CDC42BPG: variants seen among roughly 807,000 people sequenced by gnomAD.
CDC42BPG encodes CDC42 binding protein kinase gamma, also known as serine/threonine-protein kinase MRCK gamma.
Under a neutral mutation model 192.2 loss-of-function variants are expected in CDC42BPG, and 157 were observed. That is an observed-to-expected ratio of 0.82 (90% confidence interval 0.72 to 0.93). The LOEUF is 0.93. Among genes scored for constraint, CDC42BPG ranks in the 40% least tolerant of loss-of-function variants. The probability of loss-of-function intolerance (pLI) is 0.00; values close to 1 mark genes in which losing one functional copy is unlikely to be tolerated. For missense variants in CDC42BPG, 1,992 were observed against 2,122.1 expected, an observed-to-expected ratio of 0.94 and a Z score of 1.20; for synonymous variants, 981 against 918.5, an observed-to-expected ratio of 1.07 and a Z score of -1.23.
intron 28 of CDC42BPG, chr11:64,830,577 G>A: frequency 2.2e-6 from 1 of 456,190 alleles, no homozygotes; most frequent in African/African-American, 2.0e-5. Context: ...AGTGATGCAG[G>A]GGAGGGTTCA....
At position 64,839,961 on chromosome 11, in the gene CDC42BPG, G is replaced by A. The variant is rs566351978; in HGVS notation, c.581+159C>T. ...CACAGCAGCAGCCCCTGCCACAGAG[G>A]GCTCTTTGGTATGATTCCAAGGAAG... is the stretch of plus-strand genomic sequence containing the variant. On this transcript the variant is annotated intron_variant, in intron 5 of 36. Transcript: ENST00000342711. 3.3e-5 allele frequency among the ~76,000 whole-genome samples: 5 copies of A among 152,294 alleles called. No homozygotes were observed. In the East Asian group the frequency reaches 9.6e-4, roughly 29 times the overall value.
At chr11:64,832,366 C>T in intron 27 of CDC42BPG, 62 bp downstream of exon 27, 1 of 1,535,664 alleles carries the variant, frequency 6.5e-7, no homozygotes, top group South Asian at 1.2e-5. Context: ...GGGACAGTGG[C>T]CAGAGCTGGG....
At chr11:64,827,192 G>C (rs1381346387) in intron 33 of CDC42BPG, 25 bp from the exon 34 acceptor site, 1 of 1,613,416 alleles carries the variant, frequency 6.2e-7, no homozygotes, top group South Asian at 1.1e-5. Context: ...GTAAGTAGTG[G>C]GTGGCGAAGC....
In CDC42BPG at chr11:64,838,152, G is replaced by A; in HGVS notation, c.1136C>T (p.Pro379Leu). 6.4e-7 allele frequency: 1 copy of A among 1,552,936 alleles called. No homozygotes were observed. Among genetic ancestry groups the A allele is most frequent in the Non-Finnish European group, 8.7e-7 (1 of 1,148,766 alleles). The change falls in exon 9 of 37, where the codon CCA becomes CTA. Residue 379 changes from proline (P) to leucine (L), a missense_variant. Coordinates refer to ENST00000342711, the MANE Select transcript of CDC42BPG (RefSeq NM_017525.3). ...GGAGAAGGCCCCGTGGGAGGGCGGT[G>A]GCAGGGTCCCCTGCAGAGGGAGAGG... ...DDTLNHPGTL[P>L]PPSHGAFSGH...
intron 22 of CDC42BPG, 33 bp from the exon 23 acceptor site, chr11:64,833,692 C>G (rs775742684): frequency 6.2e-7 from 1 of 1,613,016 alleles, no homozygotes; most frequent in Non-Finnish European, 8.5e-7. Context: ...GTGAGACGGG[C>G]AAGGGCGGGG....
rs1231028363 is a variant in CDC42BPG at position 64,829,982 on chromosome 11, G to A, written c.3456C>T (p.Gly1152=). The A allele has an allele frequency of 7.4e-6, 12 of 1,612,810 alleles. No homozygotes were observed. The highest frequency in any genetic ancestry group is 3.3e-5 in the Admixed American group (2 of 59,990). Residue 1152 remains glycine, a synonymous_variant, in exon 30 of 37, where the codon GGC becomes GGT. Transcript: ENST00000342711. ...AGLLVVLCGR[G]PSVRLFALAE... ...CCAGGGCAAAGAGACGCACGCTGGG[G>A]CCGCGGCCACACAGCACGACCAGCA...
At chr11:64,830,437 G>A (rs1592691350) in intron 28 of CDC42BPG, 181 bp from the exon 29 acceptor site, 2 of 642,956 alleles carry the variant, frequency 3.1e-6, no homozygotes, top group East Asian at 2.7e-5. Context: ...AGAGGGGTTG[G>A]GGTGAGGCCC....
At chr11:64,827,927 C>T (rs1942511204) in intron 30 of CDC42BPG, 144 bp from the exon 31 acceptor site, 2 of 646,264 alleles carry the variant, frequency 3.1e-6, no homozygotes. Context: ...CCAGCCTCCA[C>T]ATCAAATCAG....
At position 64,832,486 on chromosome 11, in the gene CDC42BPG, G is replaced by C. The variant is rs1466377113; in HGVS notation, c.3029C>G (p.Pro1010Arg). 2 of 1,614,098 alleles carry C rather than the reference G, an allele frequency of 1.2e-6. No homozygotes were observed. The highest frequency in any genetic ancestry group is 2.2e-5 in the South Asian group (2 of 91,082). The change falls in exon 27 of 37, where the codon CCT becomes CGT. Residue 1010 changes from proline to arginine, a missense_variant. Around this residue, in one of 2 missense-constraint regions of CDC42BPG, gnomAD observed 1,656 missense variants for 1,844.3 expected, o/e 0.90. Transcript: ENST00000342711. ...ATGGATAACATCAGAGGCCAGGACA[G>C]GGGTAGCCGAGAACTGGGGGTCCCT... Reference protein sequence around the residue: ...DLRDPQFSATPVLASDVIHAQ... With the variant: ...DLRDPQFSATRVLASDVIHAQ...
chr11:64,829,920 A>G lies in CDC42BPG; in HGVS notation c.3518T>C (p.Ile1173Thr), dbSNP rs781543353. 24 of 1,610,552 alleles carry G rather than the reference A, an allele frequency of 1.5e-5. No homozygotes were observed. Among genetic ancestry groups the G allele is most frequent in the Non-Finnish European group, 2.0e-5 (24 of 1,178,960 alleles). ...CACCTGGCAGCCTCGAGACTCGGGG[A>G]TCTTGGCACCTGCTACCTCTATGTT... ...LENIEVAGAK[I>T]PESRGCQVLA... Residue 1173 changes from isoleucine (I) to threonine (T), a missense_variant, in exon 30 of 37, where the codon ATC (isoleucine) becomes ACC (threonine). Physicochemically the swap from Ile to Thr is moderately conservative, Grantham distance 89. Around this residue, in one of 2 missense-constraint regions of CDC42BPG, gnomAD observed 1,656 missense variants for 1,844.3 expected, o/e 0.90. Transcript: ENST00000342711.
Position 64,838,300 on chromosome 11 carries a change from C to G in CDC42BPG, c.1126-138G>C, listed in dbSNP as rs1029598134. The G allele has an allele frequency of 5.2e-5, 34 of 652,704 alleles. No homozygotes were observed. The African/African-American group carries it at 5.8e-4, about 11-fold the overall frequency. 40.4% of individuals were successfully genotyped at this position (652,704 alleles called of 1,614,324 possible). A position where few individuals can be genotyped will look rare whatever the true frequency, so the allele number is the denominator to read the frequency against. ...GGGGGGTAACACAGCCCAACCCAAA[C>G]AAACCCCCAGCTCCCACAAGTCTCC... On this transcript the variant is annotated intron_variant, in intron 8 of 36. Transcript: ENST00000342711.
At chr11:64,829,431 A>G (rs1397856432) in intron 30 of CDC42BPG, 40 bp downstream of exon 30, 3 of 1,591,224 alleles carry the variant, frequency 1.9e-6, no homozygotes. Flanking sequence ...CACCCACTGA[A>G]GGTGCCTGGC....
intron 9 of CDC42BPG, among the ~76,000 whole-genome samples, chr11:64,837,681 C>T (rs944817921): frequency 3.9e-5 from 6 of 152,166 alleles, no homozygotes; most frequent in East Asian, 3.9e-4. Context: ...AGGCTGGTCT[C>T]GAACTCCTGA....
intron 6 of CDC42BPG, 101 bp from the exon 7 acceptor site, chr11:64,839,334 C>T (rs955268034): frequency 2.6e-6 from 4 of 1,532,406 alleles, no homozygotes. Flanking sequence ...CCAGGCTGGC[C>T]TGCTGCTGCC....
rs148082987 is a variant in CDC42BPG, at chr11:64,838,784, C to T, written c.995G>A (p.Arg332Gln). ...CACGCCTTCGAAGAAAGGATGGTTC[C>T]GGAAGTCATCCAGCCCACCACGGCC... ...RLGRGGLDDF[R>Q]NHPFFEGVDW... Residue 332 changes from arginine (R) to glutamine (Q), a missense_variant, in exon 8 of 37, where the codon CGG (arginine) becomes CAG (glutamine). By Grantham distance (43) the Arg-to-Gln change is conservative (BLOSUM62 1). Around this residue, in one of 2 missense-constraint regions of CDC42BPG, gnomAD observed 1,656 missense variants for 1,844.3 expected, o/e 0.90. Coordinates refer to ENST00000342711, the MANE Select transcript of CDC42BPG (RefSeq NM_017525.3). The T allele has an allele frequency of 5.1e-5, 83 of 1,612,760 alleles. No individual in the cohort carries two copies. Among genetic ancestry groups the T allele is most frequent in the South Asian group, 1.5e-4 (14 of 91,092 alleles).
In CDC42BPG at chr11:64,829,771, G is replaced by C; in HGVS notation, c.3667C>G (p.Gln1223Glu). The change falls in exon 30 of 37, where the codon CAG becomes GAG. Residue 1223 changes from glutamine (Q) to glutamate (E), a missense_variant. Gln to Glu is a conservative substitution (Grantham distance 29). Transcript: ENST00000342711. ...GPWQRRIRELQAPATVQSLGL... is the reference protein window; with the variant it reads ...GPWQRRIRELEAPATVQSLGL... ...AGGCTCTGCACAGTGGCAGGTGCCT[G>C]CAGCTCACGGATGCGGCGCTGCCAG... 1 of 1,598,338 alleles carries C rather than the reference G, an allele frequency of 6.3e-7. No individual in the cohort carries two copies. Among genetic ancestry groups the C allele is most frequent in the East Asian group, 2.3e-5 (1 of 44,416 alleles).
At chr11:64,834,399 C>T in intron 19 of CDC42BPG, 30 bp downstream of exon 19, 1 of 1,560,432 alleles carries the variant, frequency 6.4e-7, no homozygotes, top group Non-Finnish European at 8.7e-7. Context: ...TGTGCGGGCC[C>T]TGGCCCCCAG....
chr11:64,843,305 A>T (rs77255220), intron 1 of CDC42BPG, among the ~76,000 whole-genome samples: 1 of 151,986 alleles, frequency 6.6e-6, no homozygotes, highest in Non-Finnish European at 1.5e-5. Context: ...AGGAGCACAC[A>T]TGTGTGTGCA....
At chr11:64,839,685 C>T (rs1469774990) in intron 5 of CDC42BPG, 114 bp from the exon 6 acceptor site, 3 of 809,676 alleles carry the variant, frequency 3.7e-6, no homozygotes, top group East Asian at 2.7e-5. Flanking sequence ...CACACACATT[C>T]CTGTGTGTAG....
Sources: gnomAD v4.1 joint callset for allele counts (sites outside exome capture counted in the v4.1 genomes callset) on GRCh38, gnomAD v4.1.1 for gene constraint, gnomAD v4.1.1 regional missense constraint, MANE v1.5 for transcripts, NCBI Gene and HGNC (gene_info 2026-07-23, HGNC 2026-07-21) for gene names.